The following PSD variants were observed in gnomAD, a reference collection of about 807,000 sequenced individuals.
The protein encoded by PSD is PH and SEC7 domain-containing protein 1.
A neutral mutation model predicts 91.6 loss-of-function variants in PSD; 32 were observed. The observed-to-expected ratio is 0.35, with a 90% CI of 0.26 to 0.47. The LOEUF is 0.47. Ranked by LOEUF, PSD falls within the 20% of genes least tolerant of loss-of-function variation. PSD has a pLI of 1.00. For synonymous variants in PSD, 532 were observed against 569.3 expected (o/e 0.93, Z 0.93); for missense variants, 1,099 against 1,373.9 (o/e 0.80, Z 3.16).
Position 102,405,169 on chromosome 10 carries a change from G to T in PSD, c.2397+14C>A, listed in dbSNP as rs1346835378. 6.2e-7 allele frequency: 1 copy of T among 1,610,550 alleles called. No homozygotes were observed. Among genetic ancestry groups the T allele is most frequent in the Non-Finnish European group, 8.5e-7 (1 of 1,179,736 alleles). On this transcript the variant is annotated intron_variant, in intron 13 of 16. Coordinates refer to ENST00000020673, the MANE Select transcript of PSD (RefSeq NM_002779.5). This position sits in a 1 kb window ranked among gnomAD's most constrained non-coding sequence, Gnocchi z 5.4. ...ACTCAGTCCCAGCCCCAGCCCCCTG[G>T]CCTGACCCCGCACCTTCTGCAGGTA...
chr10:102,412,000 G>A (rs2061430097), intron 7 of PSD, 147 bp downstream of exon 7: 2 of 1,038,978 alleles, frequency 1.9e-6, no homozygotes, highest in Non-Finnish European at 3.0e-6. Flanking sequence ...TTACCAGGCA[G>A]CTCTGGCCCT....
rs201223210 is a variant in PSD at position 102,405,087 on chromosome 10, A to G, written c.2398-32T>C. On this transcript the variant is annotated intron_variant, in intron 13 of 16. Transcript: ENST00000020673. This position sits in a 1 kb window ranked among gnomAD's most constrained non-coding sequence, Gnocchi z 5.4. ...GGGTGTCCATCTTGTCCTGGCCCCAAATGCAGCCTGGCCCAGCCCCTCCTA... is the reference window on the plus strand; with the variant it reads ...GGGTGTCCATCTTGTCCTGGCCCCAGATGCAGCCTGGCCCAGCCCCTCCTA... The G allele has an allele frequency of 1.8e-5, 29 of 1,612,268 alleles. No homozygotes were observed. The East Asian group carries it at 5.1e-4, about 29-fold the overall frequency.
chr10:102,404,429 A>G lies in PSD; in HGVS notation c.2700+154T>C, dbSNP rs1454020242. Among the ~76,000 whole-genome samples the G allele has an allele frequency of 6.6e-6, 1 of 151,390 alleles. No homozygotes were observed. Among genetic ancestry groups the G allele is most frequent in the Non-Finnish European group, 1.5e-5 (1 of 67,974 alleles). On this transcript the variant is annotated intron_variant, in intron 15 of 16. Transcript: ENST00000020673. The surrounding 1 kb of genome is among the most constrained non-coding windows in gnomAD (Gnocchi z 5.7). ...GGTTCCCAGCCGGCAAGCGGGACCC[A>G]GTGGGGGCTGGATTTCAGTCCCTGC...
intron 6 of PSD, 75 bp downstream of exon 6, chr10:102,412,306 G>C: frequency 6.2e-7 from 1 of 1,610,766 alleles, no homozygotes; most frequent in African/African-American, 1.3e-5. Flanking sequence ...AATGACCAGG[G>C]GACATTAGAT....
At position 102,409,225 on chromosome 10, in the gene PSD, G is replaced by A. The variant is rs1006570149; in HGVS notation, c.2091+1633C>T. The stretch of plus-strand genomic sequence containing the variant: ...GGCGCGGCCCGGCCCGAGCCGGCCC[G>A]GCTCTCACGGACGCACGGAGTGCGC... On this transcript the variant is annotated intron_variant, in intron 10 of 16. Transcript: ENST00000020673. The surrounding 1 kb of genome is among the most constrained non-coding windows in gnomAD (Gnocchi z 5.7). 9 of 983,128 alleles carry A rather than the reference G, an allele frequency of 9.2e-6. No individual in the cohort carries two copies. Among genetic ancestry groups the A allele is most frequent in the Middle Eastern group, 5.2e-4 (1 of 1,934 alleles). 60.9% of individuals were successfully genotyped at this position (983,128 alleles called of 1,614,324 possible).
In PSD at chr10:102,405,740, G is replaced by A; in HGVS notation, c.2136-204C>T. 1 of 586,162 alleles carries A rather than the reference G, an allele frequency of 1.7e-6. No homozygotes were observed. The highest frequency in any genetic ancestry group is 3.0e-6 in the Non-Finnish European group (1 of 330,056). The allele number at this position is 586,162 out of a possible 1,614,324, so 36.3% of individuals were successfully genotyped here. ...CTCAGAGCAGGGCACCTCCCTCAGA[G>A]CTCCCCAGCCTAGAGCCACCACTGT... On this transcript the variant is annotated intron_variant, in intron 11 of 16. Coordinates refer to ENST00000020673, the MANE Select transcript of PSD (RefSeq NM_002779.5). This position sits in a 1 kb window ranked among gnomAD's most constrained non-coding sequence, Gnocchi z 5.4.
Position 102,405,287 on chromosome 10 carries a change from G to A in PSD, c.2327-34C>T. On this transcript the variant is annotated intron_variant, in intron 12 of 16. Transcript: ENST00000020673. This position sits in a 1 kb window ranked among gnomAD's most constrained non-coding sequence, Gnocchi z 5.4. ...AGAGAAGACAGGTCAGGGGGCCCTG[G>A]AACAGGCCCACTCCCATCCATCCCC... 7 of 1,609,500 alleles carry A rather than the reference G, an allele frequency of 4.3e-6. No homozygotes were observed. The highest frequency in any genetic ancestry group is 3.3e-5 in the South Asian group (3 of 91,070).
rs1411666487 is a variant in PSD at position 102,405,582 on chromosome 10, C to A, written c.2136-46G>T. On this transcript the variant is annotated intron_variant, in intron 11 of 16. Coordinates refer to ENST00000020673, the MANE Select transcript of PSD (RefSeq NM_002779.5). The surrounding 1 kb of genome is among the most constrained non-coding windows in gnomAD (Gnocchi z 5.4). ...GAGGGGGCTGGCCATGGAGCCGCGG[C>A]CCCCGCTTCAGTTCTGGCCTCTGCT... 3 of 1,556,534 alleles carry A rather than the reference C, an allele frequency of 1.9e-6. No homozygotes were observed. Among genetic ancestry groups the A allele is most frequent in the African/African-American group, 2.7e-5 (2 of 73,576 alleles).
rs750932539 is a variant in PSD, at chr10:102,413,934, G to C, written c.1388C>G (p.Pro463Arg). The change falls in exon 5 of 17, where the codon CCT becomes CGT. Residue 463 changes from proline to arginine, a missense_variant. This residue lies in a region of PSD where 631 missense variants were observed against 728.8 expected (regional missense o/e 0.87). Coordinates refer to ENST00000020673, the MANE Select transcript of PSD (RefSeq NM_002779.5). The part of the protein sequence containing the change: ...PDPPAPAPLA[P>R]LEPDSGTSSA... ...GCTGGTACCAGAATCCGGTTCAAGA[G>C]GGGCAAGTGGGGCGGGAGCTGGTGG... The C allele has an allele frequency of 6.2e-7, 1 of 1,613,942 alleles. No homozygotes were observed. Among genetic ancestry groups the C allele is most frequent in the East Asian group, 2.2e-5 (1 of 44,878 alleles).
At position 102,406,802 on chromosome 10, in the gene PSD, G is replaced by A. The variant is rs545421519; in HGVS notation, c.2135+421C>T. ...TTACAGGCGTGAGCCACCTCGCCTG[G>A]CCGAGTATCTATGTTTCTATTGGAG... On this transcript the variant is annotated intron_variant, in intron 11 of 16. Coordinates refer to ENST00000020673, the MANE Select transcript of PSD (RefSeq NM_002779.5). 3.9e-5 allele frequency among the ~76,000 whole-genome samples: 6 copies of A among 152,346 alleles called. No individual in the cohort carries two copies. The South Asian group carries it at 8.3e-4, about 21-fold the overall frequency.
rs779421908 is a variant in PSD, at chr10:102,414,972, G to A, written c.1015C>T (p.Pro339Ser). The change falls in exon 4 of 17, where the codon CCT (proline) becomes TCT (serine). Residue 339 changes from proline to serine, a missense_variant. Physicochemically the swap from Pro to Ser is moderately conservative, Grantham distance 74 (BLOSUM62 -1). Coordinates refer to ENST00000020673, the MANE Select transcript of PSD (RefSeq NM_002779.5). The surrounding 1 kb of genome is among the most constrained non-coding windows in gnomAD (Gnocchi z 5.6). ...CTGCCGAGGCTGGGATGAGGGCCAGGGAGTGGGCCGGGCCGTGGGGCAGGT... is the reference window on the plus strand; with the variant it reads ...CTGCCGAGGCTGGGATGAGGGCCAGAGAGTGGGCCGGGCCGTGGGGCAGGT... ...YPPAPRPGPLPGPHPSLGSGN... is the reference protein window; with the variant it reads ...YPPAPRPGPLSGPHPSLGSGN... The A allele has an allele frequency of 1.0e-5, 16 of 1,587,544 alleles. No homozygotes were observed. The East Asian group carries it at 1.1e-4, about 11-fold the overall frequency.
chr10:102,405,929 GGAA>G lies in PSD; in HGVS notation c.2136-396_2136-394del, dbSNP rs1415647962. 1 of 193,814 alleles carries G rather than the reference GGAA, an allele frequency of 5.2e-6. No homozygotes were observed. Among genetic ancestry groups the G allele is most frequent in the Non-Finnish European group, 1.1e-5 (1 of 93,822 alleles). The allele number at this position is 193,814 out of a possible 1,614,324, so 12.0% of individuals were successfully genotyped here. A position where few individuals can be genotyped will look rare whatever the true frequency, so the allele number is the denominator to read the frequency against. On this transcript the variant is annotated intron_variant, in intron 11 of 16. Coordinates refer to ENST00000020673, the MANE Select transcript of PSD (RefSeq NM_002779.5). This position sits in a 1 kb window ranked among gnomAD's most constrained non-coding sequence, Gnocchi z 5.4. ...GTTTGTGGGCTAAATGGTAGCAGAT[GGAA>G]GAAGTAGTTTCCTAGTGCCGCCCCC... is the stretch of plus-strand genomic sequence containing the variant.
Position 102,411,628 on chromosome 10 carries a change from T to C in PSD, c.1942+79A>G, listed in dbSNP as rs1033490161. ...TTCCCTGCTGTACACACACTCATGC[T>C]CCTGTACACACACACAGGGCCCAGC... On this transcript the variant is annotated intron_variant, in intron 8 of 16. Coordinates refer to ENST00000020673, the MANE Select transcript of PSD (RefSeq NM_002779.5). The C allele has an allele frequency of 7.8e-6, 8 of 1,029,886 alleles. No homozygotes were observed. In the Admixed American group the frequency reaches 1.6e-4, roughly 20 times the overall value. The allele number at this position is 1,029,886 out of a possible 1,614,324, so 63.8% of individuals were successfully genotyped here.
intron 7 of PSD, 113 bp downstream of exon 7, chr10:102,412,034 A>G: frequency 8.2e-7 from 1 of 1,223,286 alleles, no homozygotes; most frequent in South Asian, 1.2e-5. Context: ...CCATCTTGGG[A>G]AGGGTGATGT....
intron 1 of PSD, among the ~76,000 whole-genome samples, chr10:102,418,398 CATACAGAT>C (rs1368956360): frequency 6.6e-6 from 1 of 152,088 alleles, no homozygotes; most frequent in Non-Finnish European, 1.5e-5. Context: ...GTCACATACA[CATACAGAT>C]GTACACATAC....
chr10:102,407,393 C>A, intron 10 of PSD, 127 bp from the exon 11 acceptor site: 1 of 565,464 alleles, frequency 1.8e-6, no homozygotes, highest in Non-Finnish European at 2.9e-6. Flanking sequence ...ATATAATGAC[C>A]AAAAATACAG....
chr10:102,415,109 A>G lies in PSD; in HGVS notation c.878T>C (p.Leu293Pro), dbSNP rs543569989. The G allele has an allele frequency of 3.1e-6, 5 of 1,613,676 alleles. No homozygotes were observed. The highest frequency in any genetic ancestry group is 2.7e-5 in the African/African-American group (2 of 74,962). ...YSETDLDTVP[L>P]RCYRETDIDE... ...GATGTCAGTCTCGCGGTAGCACCTC[A>G]GGGGCACCGTGTCCAGGTCTGTCTC... Residue 293 changes from leucine to proline, a missense_variant, in exon 4 of 17, where the codon CTG (leucine) becomes CCG (proline). Coordinates refer to ENST00000020673, the MANE Select transcript of PSD (RefSeq NM_002779.5).
At position 102,416,143 on chromosome 10, in the gene PSD, G is replaced by T; in HGVS notation, c.655-24C>A. 6.4e-7 allele frequency: 1 copy of T among 1,558,202 alleles called. No homozygotes were observed. Among genetic ancestry groups the T allele is most frequent in the Non-Finnish European group, 8.8e-7 (1 of 1,133,132 alleles). Reference sequence around the variant, plus strand: ...CCCTGAGCCAACGAGGGAGACACAGGCACCCAGAGATAAAGCCAGACATAC... The same window carrying T: ...CCCTGAGCCAACGAGGGAGACACAGTCACCCAGAGATAAAGCCAGACATAC... On this transcript the variant is annotated intron_variant, in intron 2 of 16. Coordinates refer to ENST00000020673, the MANE Select transcript of PSD (RefSeq NM_002779.5). This position sits in a 1 kb window ranked among gnomAD's most constrained non-coding sequence, Gnocchi z 6.0.
Position 102,416,602 on chromosome 10 carries a change from T to A in PSD, c.437A>T (p.Asn146Ile). ...RPTPALGPGS[N>I]RKLRLEASTS... ...GGATGCTTCCAGCCGTAACTTCCGG[T>A]TGGAGCCAGGCCCAAGGGCTGGGGT... Residue 146 changes from asparagine (N) to isoleucine (I), a missense_variant, in exon 2 of 17, where the codon AAC (asparagine) becomes ATC (isoleucine). Asn to Ile is a moderately radical substitution (Grantham distance 149). Coordinates refer to ENST00000020673, the MANE Select transcript of PSD (RefSeq NM_002779.5). The surrounding 1 kb of genome is among the most constrained non-coding windows in gnomAD (Gnocchi z 6.0). 2.5e-6 allele frequency: 4 copies of A among 1,594,578 alleles called. No homozygotes were observed. The highest frequency in any genetic ancestry group is 3.4e-6 in the Non-Finnish European group (4 of 1,169,942).
Sources: allele counts gnomAD v4.1 joint callset (sites outside exome capture counted in the v4.1 genomes callset), GRCh38; gene constraint gnomAD v4.1.1; regional missense constraint gnomAD v4.1.1; non-coding constraint Gnocchi (gnomAD v3.1); transcripts MANE v1.5; gene names NCBI Gene and HGNC (gene_info 2026-07-23, HGNC 2026-07-21).